WDPCP: variants seen among roughly 807,000 people sequenced by gnomAD.
The protein encoded by WDPCP is WD repeat containing planar cell polarity effector.
Under a neutral mutation model 93.1 loss-of-function variants are expected in WDPCP, and 71 were observed. The ratio of observed to expected loss-of-function variants is 0.76; its 90% CI spans 0.63 to 0.93. WDPCP has a LOEUF of 0.93. WDPCP is among the 40% of genes least tolerant of loss of function. The pLI is 0.00. For missense variants in WDPCP, 844 were observed against 887.4 expected, an observed-to-expected ratio of 0.95 and a Z score of 0.62; for synonymous variants, 315 against 315.0, an observed-to-expected ratio of 1.00 and a Z score of 0.00.
At chr2:63,155,559 C>T (rs1242336239) in intron 15 of WDPCP, among the ~76,000 whole-genome samples, 1 of 152,080 alleles carries the variant, frequency 6.6e-6, no homozygotes, top group Non-Finnish European at 1.5e-5. Flanking sequence ...AAACCACAGT[C>T]CCTAGGCCAA....
At chr2:63,570,586 A>T (rs567884208) in intron 1 of WDPCP, among the ~76,000 whole-genome samples, 2 of 152,380 alleles carry the variant, frequency 1.3e-5, no homozygotes, top group Admixed American at 1.3e-4. Context: ...CCACAGGGAT[A>T]CATCTAGGTA....
At chr2:63,244,485 G>A (rs556975434) in intron 14 of WDPCP, among the ~76,000 whole-genome samples, 3 of 151,906 alleles carry the variant, frequency 2.0e-5, no homozygotes, top group Non-Finnish European at 2.9e-5. Flanking sequence ...GATTAACAAC[G>A]AAAAAAAGAG....
chr2:63,447,760 G>C (rs1167840584), intron 6 of WDPCP, among the ~76,000 whole-genome samples: 2 of 151,992 alleles, frequency 1.3e-5, no homozygotes, highest in Non-Finnish European at 2.9e-5. Context: ...ATCATTGACA[G>C]ATGGTCATAT....
intron 1 of WDPCP, among the ~76,000 whole-genome samples, chr2:63,538,462 T>C (rs1054255405): frequency 1.3e-5 from 2 of 152,158 alleles, no homozygotes; most frequent in Admixed American, 1.3e-4. Context: ...GCCATCCCTT[T>C]ATAATAAAAA....
chr2:63,558,436 G>C (rs894913219), intron 1 of WDPCP, among the ~76,000 whole-genome samples: 1 of 151,946 alleles, frequency 6.6e-6, no homozygotes, highest in Non-Finnish European at 1.5e-5. Flanking sequence ...GCTTGAGGCA[G>C]GAGAATTGCT....
At chr2:63,140,433 C>T (rs1437163890) in intron 17 of WDPCP, among the ~76,000 whole-genome samples, 1 of 152,100 alleles carries the variant, frequency 6.6e-6, no homozygotes, top group East Asian at 1.9e-4. Flanking sequence ...ATTGATTCTA[C>T]CCATTCATGA....
At chr2:63,487,395 G>A in intron 3 of WDPCP, 52 bp downstream of exon 3, 1 of 1,300,464 alleles carries the variant, frequency 7.7e-7, no homozygotes, top group Non-Finnish European at 1.1e-6. Context: ...AGTATTTCAT[G>A]GTTTAGAATA....
rs551420585 is a variant in WDPCP, at chr2:63,640,626, C to T, written n.488+10033G>A. Among the ~76,000 whole-genome samples, 4 of 152,248 alleles carry T rather than the reference C, an allele frequency of 2.6e-5. No homozygotes were observed. The East Asian group carries it at 5.8e-4, about 22-fold the overall frequency. On this transcript the variant is annotated intron_variant and non_coding_transcript_variant, in intron 3 of 4. Transcript: ENST00000467687. ...ATTGGTTTAACATATTGTGGCACAT[C>T]CATGCCATGGAATACTACTTGACAA...
intron 13 of WDPCP, among the ~76,000 whole-genome samples, chr2:63,292,259 A>C (rs1684502482): frequency 6.6e-6 from 1 of 152,162 alleles, no homozygotes; most frequent in Non-Finnish European, 1.5e-5. Context: ...AAGGTTTAAA[A>C]AGACCACAAA....
intron 1 of WDPCP, among the ~76,000 whole-genome samples, chr2:63,584,902 C>T (rs1558846611): frequency 6.6e-6 from 1 of 152,038 alleles, no homozygotes; most frequent in African/African-American, 2.4e-5. Flanking sequence ...AATTATCAAA[C>T]AGAATCCTGA....
At chr2:63,290,350 T>C (rs563822498) in intron 13 of WDPCP, among the ~76,000 whole-genome samples, 1 of 152,230 alleles carries the variant, frequency 6.6e-6, no homozygotes, top group African/African-American at 2.4e-5. Flanking sequence ...TACAATAATA[T>C]AATTCCATTT....
At chr2:63,619,952 C>T (rs1390912903) in intron 3 of WDPCP, among the ~76,000 whole-genome samples, 2 of 152,146 alleles carry the variant, frequency 1.3e-5, no homozygotes, top group Admixed American at 6.5e-5. Flanking sequence ...CAAGGTAAGC[C>T]GTGAGGGACT....
intron 6 of WDPCP, among the ~76,000 whole-genome samples, chr2:63,465,066 T>A (rs150313639): frequency 1.8e-3 from 268 of 152,142 alleles, no homozygotes; most frequent in African/African-American, 6.0e-3. Flanking sequence ...AATAAAAAAA[T>A]TAATTTAAAG....
chr2:63,312,809 C>A (rs901236585), intron 13 of WDPCP, among the ~76,000 whole-genome samples: 2 of 152,108 alleles, frequency 1.3e-5, no homozygotes, highest in African/African-American at 4.8e-5. Flanking sequence ...CATGTGAGAA[C>A]ATTCCTGCTT....
intron 3 of WDPCP, chr2:63,642,799 G>A (rs1019423416): frequency 6.6e-6 from 1 of 151,972 alleles, no homozygotes; most frequent in Non-Finnish European, 1.5e-5. Context: ...TTCCATTTTG[G>A]AGACCCTTTA....
At chr2:63,319,919 TGACA>T (rs1686959131) in intron 12 of WDPCP, among the ~76,000 whole-genome samples, 1 of 152,124 alleles carries the variant, frequency 6.6e-6, no homozygotes, top group Admixed American at 6.5e-5. Flanking sequence ...TGTAATTAAT[TGACA>T]AAAAGATAAG....
chr2:63,317,508 G>A (rs542197545), intron 12 of WDPCP, among the ~76,000 whole-genome samples: 9 of 151,766 alleles, frequency 5.9e-5, no homozygotes, highest in Non-Finnish European at 7.4e-5. Flanking sequence ...TATGCACTTC[G>A]AACTCCTACA....
At chr2:63,180,867 C>A (rs1428083118) in intron 14 of WDPCP, among the ~76,000 whole-genome samples, 4 of 151,980 alleles carry the variant, frequency 2.6e-5, no homozygotes, top group South Asian at 4.2e-4. Flanking sequence ...TTAGTATTAG[C>A]CATTATGACT....
chr2:63,280,764 T>C (rs1028272845), intron 13 of WDPCP, among the ~76,000 whole-genome samples: 17 of 152,122 alleles, frequency 1.1e-4, no homozygotes, highest in Admixed American at 1.1e-3. Flanking sequence ...GCTGGGATAA[T>C]TGGCTAGCTA....
Sources: allele counts gnomAD v4.1 joint callset (sites outside exome capture counted in the v4.1 genomes callset), GRCh38; gene constraint gnomAD v4.1.1; transcripts MANE v1.5; gene names NCBI Gene and HGNC (gene_info 2026-07-23, HGNC 2026-07-21).